The following SNCAIP variants were observed in gnomAD, a reference collection of about 807,000 sequenced individuals.
The protein encoded by SNCAIP is synuclein alpha interacting protein.
A neutral mutation model predicts 86.7 loss-of-function variants in SNCAIP; 43 were observed. That is an observed-to-expected ratio of 0.50 (90% CI 0.39 to 0.64). SNCAIP has a LOEUF of 0.64. Ranked by LOEUF, SNCAIP falls within the 30% of genes least tolerant of loss-of-function variation. The pLI, the probability that SNCAIP is intolerant of heterozygous loss-of-function variation, is 0.00. For missense variants in SNCAIP, 981 were observed against 1,103.1 expected, an observed-to-expected ratio of 0.89 and a Z score of 1.57; for synonymous variants, 417 against 427.2, an observed-to-expected ratio of 0.98 and a Z score of 0.29.
At chr5:122,342,213 T>G (rs570157937) in intron 1 of SNCAIP, among the ~76,000 whole-genome samples, 1 of 152,284 alleles carries the variant, frequency 6.6e-6, no homozygotes, top group East Asian at 1.9e-4. Context: ...AATGGCCTAT[T>G]CACTGTTGTC....
At chr5:122,446,440 C>G (rs1011898727) in intron 8 of SNCAIP, among the ~76,000 whole-genome samples, 1 of 152,202 alleles carries the variant, frequency 6.6e-6, no homozygotes, top group Non-Finnish European at 1.5e-5. Context: ...ACAAAACTTT[C>G]ATGAGCTACA....
At chr5:122,382,507 A>G (rs1767068978) in intron 1 of SNCAIP, among the ~76,000 whole-genome samples, 1 of 152,174 alleles carries the variant, frequency 6.6e-6, no homozygotes, top group South Asian at 2.1e-4. Context: ...CGTAGCTCAG[A>G]GTAATTTGAT....
intron 1 of SNCAIP, among the ~76,000 whole-genome samples, chr5:122,343,612 AG>A (rs1758020545): frequency 6.6e-6 from 1 of 152,214 alleles, no homozygotes; most frequent in South Asian, 2.1e-4. Flanking sequence ...GTTTTCTCTG[AG>A]GGTTTTAGAA....
chr5:122,413,373 C>G (rs1434518978), intron 3 of SNCAIP, among the ~76,000 whole-genome samples: 1 of 152,172 alleles, frequency 6.6e-6, no homozygotes, highest in Non-Finnish European at 1.5e-5. Context: ...ATAAAATTAT[C>G]TTTCCTCTTA....
intron 3 of SNCAIP, among the ~76,000 whole-genome samples, chr5:122,410,145 ATATAAT>A (rs976981012): frequency 1.3e-5 from 2 of 152,238 alleles, no homozygotes; most frequent in African/African-American, 2.4e-5. Context: ...GTTTAACAAA[ATATAAT>A]TATAAAGGTG....
intron 1 of SNCAIP, among the ~76,000 whole-genome samples, chr5:122,375,419 A>G (rs889786904): frequency 6.6e-5 from 10 of 151,070 alleles, no homozygotes; most frequent in African/African-American, 1.9e-4. Flanking sequence ...CAGTGTCTTC[A>G]CATACATTTA....
At chr5:122,361,475 A>G (rs1206220589) in intron 1 of SNCAIP, among the ~76,000 whole-genome samples, 1 of 152,212 alleles carries the variant, frequency 6.6e-6, no homozygotes, top group Non-Finnish European at 1.5e-5. Context: ...ACCTTCCACA[A>G]CCAGCAAGGT....
At chr5:122,348,173 A>G (rs1273027124) in intron 1 of SNCAIP, among the ~76,000 whole-genome samples, 1 of 152,164 alleles carries the variant, frequency 6.6e-6, no homozygotes, top group Non-Finnish European at 1.5e-5. Context: ...TTGGGATACA[A>G]CTTGAAAATG....
intron 3 of SNCAIP, among the ~76,000 whole-genome samples, chr5:122,409,598 T>C (rs1773709889): frequency 6.6e-6 from 1 of 152,246 alleles, no homozygotes; most frequent in African/African-American, 2.4e-5. Flanking sequence ...AAACAGTACT[T>C]TTTAAACTTG....
rs1783568372 is a variant in SNCAIP, at chr5:122,450,884, C to T, written c.2037C>T (p.Asp679=). ...TGCAGAGGTCACTGAGTGAGTCTGA[C>T]ACAGACTCCAACAACTCTGAGGACC... ...QLMQRSLSES[D]TDSNNSEDPK... Residue 679 remains aspartate, a synonymous_variant, in exon 10 of 11, where the codon GAC becomes GAT. Coordinates refer to ENST00000261368, the MANE Select transcript of SNCAIP (RefSeq NM_005460.4). 1 of 1,613,534 alleles carries T rather than the reference C, an allele frequency of 6.2e-7. No homozygotes were observed. Among genetic ancestry groups the T allele is most frequent in the African/African-American group, 1.3e-5 (1 of 74,900 alleles).
At chr5:122,430,745 A>T (rs1039649101) in intron 5 of SNCAIP, among the ~76,000 whole-genome samples, 1 of 127,944 alleles carries the variant, frequency 7.8e-6, no homozygotes, top group Non-Finnish European at 1.8e-5. Context: ...GAAATTTTTT[A>T]AAAATTATGA....
chr5:122,429,074 C>T (rs367734542), intron 5 of SNCAIP, among the ~76,000 whole-genome samples: 32 of 151,628 alleles, frequency 2.1e-4, no homozygotes, highest in Non-Finnish European at 4.0e-4. Flanking sequence ...AATAAATCAA[C>T]GTGTTAAGAA....
At chr5:122,459,277 A>C (rs1785535408) in intron 10 of SNCAIP, among the ~76,000 whole-genome samples, 2 of 152,202 alleles carry the variant, frequency 1.3e-5, no homozygotes, top group Non-Finnish European at 2.9e-5. Flanking sequence ...ACCATTCTAC[A>C]TGGATGCTGT....
intron 2 of SNCAIP, among the ~76,000 whole-genome samples, chr5:122,393,932 G>A (rs1311468627): frequency 1.3e-5 from 2 of 152,156 alleles, no homozygotes; most frequent in Non-Finnish European, 2.9e-5. Context: ...ATTGTTCTCA[G>A]GCTGTTTAGG....
At position 122,401,160 on chromosome 5, in the gene SNCAIP, G is replaced by A. The variant is rs1446109835; in HGVS notation, c.58-2633G>A. The A allele has an allele frequency of 2.6e-6, 4 of 1,541,354 alleles. No individual in the cohort carries two copies. In the Admixed American group the frequency reaches 6.0e-5, roughly 23 times the overall value. ...GCGAACTGACAGTTACTTATAAAAG[G>A]CCATCTGTCCTGTGAACTGGGATGA... On this transcript the variant is annotated intron_variant, in intron 2 of 10. Coordinates refer to ENST00000261368, the MANE Select transcript of SNCAIP (RefSeq NM_005460.4).
intron 1 of SNCAIP, among the ~76,000 whole-genome samples, chr5:122,355,642 A>G (rs905391468): frequency 2.6e-5 from 4 of 152,190 alleles, no homozygotes; most frequent in East Asian, 1.9e-4. Context: ...AGTACCTCAC[A>G]TGGTAAGATC....
intron 1 of SNCAIP, among the ~76,000 whole-genome samples, chr5:122,317,054 G>GT (rs11316478): frequency 6.6e-6 from 1 of 151,942 alleles, no homozygotes; most frequent in Non-Finnish European, 1.5e-5. Flanking sequence ...GTGCAGTAAC[G>GT]TTTTTTTAAA....
chr5:122,316,716 G>T (rs1303367988), intron 1 of SNCAIP, among the ~76,000 whole-genome samples: 1 of 152,184 alleles, frequency 6.6e-6, no homozygotes, highest in East Asian at 1.9e-4. Flanking sequence ...TTTAATAGAA[G>T]GGAGAAGAAT....
intron 1 of SNCAIP, among the ~76,000 whole-genome samples, chr5:122,330,103 G>A (rs1390793449): frequency 6.9e-6 from 1 of 145,148 alleles, no homozygotes; most frequent in African/African-American, 2.6e-5. Flanking sequence ...TTACCTCCGT[G>A]TACAACTTCA....
Sources: gnomAD v4.1 joint callset for allele counts (sites outside exome capture counted in the v4.1 genomes callset) on GRCh38, gnomAD v4.1.1 for gene constraint, MANE v1.5 for transcripts, NCBI Gene and HGNC (gene_info 2026-07-23, HGNC 2026-07-21) for gene names.